Variants in LIMCH1 observed in about 807,000 individuals in gnomAD.
The protein encoded by LIMCH1 is LIM and calponin homology domains-containing protein 1.
LIMCH1 carries 113 observed loss-of-function variants against 176.5 expected under a neutral mutation model. The observed-to-expected ratio is 0.64, with a 90% confidence interval of 0.55 to 0.75. The LOEUF is 0.75. Ranked by LOEUF, LIMCH1 falls within the 30% of genes least tolerant of loss-of-function variation. The pLI, the probability that LIMCH1 is intolerant of heterozygous loss-of-function variation, is 0.00. For synonymous variants in LIMCH1, 619 were observed against 645.9 expected (o/e 0.96, Z 0.63); for missense variants, 1,674 against 1,814.9 (o/e 0.92, Z 1.41).
At chr4:41,578,332 A>G (rs904336416) in intron 1 of LIMCH1, among the ~76,000 whole-genome samples, 1 of 152,202 alleles carries the variant, frequency 6.6e-6, no homozygotes, top group Non-Finnish European at 1.5e-5. Context: ...AACAGCGTAG[A>G]GGAAACTGCC....
At chr4:41,419,078 C>T (rs527255074) in intron 1 of LIMCH1, among the ~76,000 whole-genome samples, 1 of 152,234 alleles carries the variant, frequency 6.6e-6, no homozygotes, top group Non-Finnish European at 1.5e-5. Context: ...CAATCTGCCT[C>T]AGTAAAGTGT....
intron 1 of LIMCH1, among the ~76,000 whole-genome samples, chr4:41,596,683 A>G (rs1006936883): frequency 1.3e-5 from 2 of 152,160 alleles, no homozygotes; most frequent in Non-Finnish European, 2.9e-5. Context: ...AATGAAACAT[A>G]TATGGCCAAG....
At chr4:41,573,811 T>A (rs1379870114) in intron 1 of LIMCH1, among the ~76,000 whole-genome samples, 4 of 152,166 alleles carry the variant, frequency 2.6e-5, no homozygotes, top group Non-Finnish European at 4.4e-5. Flanking sequence ...GTCCTCCTCA[T>A]AAAGGTTGTA....
At chr4:41,473,196 G>A (rs1451668300) in intron 1 of LIMCH1, 6 of 984,926 alleles carry the variant, frequency 6.1e-6, no homozygotes, top group Non-Finnish European at 7.2e-6. Flanking sequence ...AAGAGGAAAG[G>A]TGTGTGCTGT....
intron 4 of LIMCH1, among the ~76,000 whole-genome samples, chr4:41,607,443 C>G (rs953376445): frequency 2.0e-5 from 3 of 152,198 alleles, no homozygotes; most frequent in African/African-American, 7.2e-5. Flanking sequence ...CACAATGAAG[C>G]ACAACTCATT....
chr4:41,654,753 A>G (rs758088055), intron 18 of LIMCH1, among the ~76,000 whole-genome samples: 1 of 152,170 alleles, frequency 6.6e-6, no homozygotes, highest in Non-Finnish European at 1.5e-5. Context: ...TGAGGAGCCC[A>G]CCAGAGGACC....
intron 1 of LIMCH1, among the ~76,000 whole-genome samples, chr4:41,563,322 T>C (rs988580871): frequency 8.5e-5 from 13 of 152,144 alleles, no homozygotes; most frequent in African/African-American, 3.1e-4. Context: ...AAATGCTCAG[T>C]AAGTGCTACC....
intron 10 of LIMCH1, among the ~76,000 whole-genome samples, chr4:41,632,019 G>T (rs958979703): frequency 6.6e-6 from 1 of 152,144 alleles, no homozygotes; most frequent in African/African-American, 2.4e-5. Context: ...TCTGTAAGTC[G>T]AGAGTTTCCT....
chr4:41,670,578 T>A lies in LIMCH1; in HGVS notation c.3398-976T>A, dbSNP rs567379219. On this transcript the variant is annotated intron_variant, in intron 21 of 31. Coordinates refer to ENST00000503057, the MANE Select transcript of LIMCH1 (RefSeq NM_001330672.2). The stretch of plus-strand genomic sequence containing the variant: ...TTTATATGTGTGTTATTAAGACATT[T>A]TGTACTGTAGATTTACTGACTCTCA... The A allele has an allele frequency of 1.4e-5, 8 of 563,896 alleles. No homozygotes were observed. In the South Asian group the frequency reaches 2.0e-4, roughly 14 times the overall value. 34.9% of individuals were successfully genotyped at this position (563,896 alleles called of 1,614,324 possible).
intron 7 of LIMCH1, among the ~76,000 whole-genome samples, chr4:41,623,683 C>A (rs2092744630): frequency 6.6e-6 from 1 of 152,144 alleles, no homozygotes; most frequent in Non-Finnish European, 1.5e-5. Flanking sequence ...ATTGCTTGAA[C>A]CCGGGAGGCA....
At chr4:41,596,102 A>T (rs949074451) in intron 1 of LIMCH1, among the ~76,000 whole-genome samples, 1 of 151,368 alleles carries the variant, frequency 6.6e-6, no homozygotes, top group South Asian at 2.1e-4. Flanking sequence ...CATATTGACA[A>T]AGTATTTTTC....
At chr4:41,667,098 C>CA (rs375444963) in intron 21 of LIMCH1, among the ~76,000 whole-genome samples, 1,665 of 133,580 alleles carry the variant, frequency 0.012, 22 homozygotes, top group African/African-American at 0.042. Context: ...AGAGCTGTGA[C>CA]AAAAAAAAAA....
chr4:41,616,604 C>T (rs1475448423), intron 5 of LIMCH1, among the ~76,000 whole-genome samples: 3 of 151,968 alleles, frequency 2.0e-5, no homozygotes, highest in Admixed American at 1.3e-4. Flanking sequence ...TAACTCTGGA[C>T]ATAAATGGAG....
intron 28 of LIMCH1, 114 bp from the exon 29 acceptor site, chr4:41,687,725 TG>T (rs1722050098): frequency 1.5e-6 from 1 of 655,748 alleles, no homozygotes; most frequent in South Asian, 2.1e-5. Context: ...GTCTTTGATT[TG>T]GTTGTCACAA....
chr4:41,414,165 A>AGT (rs1388200984), intron 1 of LIMCH1, among the ~76,000 whole-genome samples: 8 of 152,100 alleles, frequency 5.3e-5, no homozygotes, highest in Non-Finnish European at 1.0e-4. Context: ...GGGCAGGAAG[A>AGT]GTGTGTGTGT....
At chr4:41,661,276 T>C (rs1335162057) in intron 18 of LIMCH1, 144 bp from the exon 19 acceptor site, 3 of 642,714 alleles carry the variant, frequency 4.7e-6, no homozygotes, top group Non-Finnish European at 8.3e-6. Flanking sequence ...ATCCAGGCTC[T>C]CGCCATGAAG....
intron 21 of LIMCH1, among the ~76,000 whole-genome samples, chr4:41,668,422 G>C (rs6834364): frequency 0.076 from 11,553 of 152,252 alleles, 536 homozygotes; most frequent in South Asian, 0.14. Context: ...CCTATTTCTA[G>C]TACTTTGTAA....
chr4:41,486,018 A>AC (rs1327176301), intron 1 of LIMCH1, among the ~76,000 whole-genome samples: 1 of 152,142 alleles, frequency 6.6e-6, no homozygotes, highest in African/African-American at 2.4e-5. Context: ...GTCAAGCATA[A>AC]CTCTTAAGAT....
At position 41,613,607 on chromosome 4, in the gene LIMCH1, T is replaced by C. The variant is rs754101977; in HGVS notation, c.151T>C (p.Ser51Pro). ...CTTCGACAGCCTGGATTCCTTTGGCTCTCGCTCTCGGCAGACGCCTTCACC... is the reference window on the plus strand; with the variant it reads ...CTTCGACAGCCTGGATTCCTTTGGCCCTCGCTCTCGGCAGACGCCTTCACC... ...DSFDSLDSFGSRSRQTPSPDV... is the reference protein window; with the variant it reads ...DSFDSLDSFGPRSRQTPSPDV... The change falls in exon 5 of 32, where the codon TCT (serine) becomes CCT (proline). Residue 51 changes from serine to proline, a missense_variant. Physicochemically the swap from Ser to Pro is moderately conservative, Grantham distance 74 (BLOSUM62 -1). Coordinates refer to ENST00000503057, the MANE Select transcript of LIMCH1 (RefSeq NM_001330672.2). 18 of 1,614,130 alleles carry C rather than the reference T, an allele frequency of 1.1e-5. No individual in the cohort carries two copies. Among genetic ancestry groups the C allele is most frequent in the Non-Finnish European group, 1.5e-5 (18 of 1,180,014 alleles).
Sources: gnomAD v4.1 joint callset for allele counts (sites outside exome capture counted in the v4.1 genomes callset) on GRCh38, gnomAD v4.1.1 for gene constraint, MANE v1.5 for transcripts, NCBI Gene and HGNC (gene_info 2026-07-23, HGNC 2026-07-21) for gene names.